PARD6G: variants seen among roughly 807,000 people sequenced by gnomAD.
The protein encoded by PARD6G is partitioning defective 6 homolog gamma.
In PARD6G, 7 loss-of-function variants were observed where a neutral mutation model predicts 10.7. That is an observed-to-expected ratio of 0.66 (90% confidence interval 0.37 to 1.23). The LOEUF is 1.23. Among genes scored for constraint, PARD6G ranks in the 50% most tolerant of loss-of-function variants. The pLI, the probability that PARD6G is intolerant of heterozygous loss-of-function variation, is 0.02. For missense variants in PARD6G, 548 were observed against 571.8 expected (o/e 0.96, Z 0.42); for synonymous variants, 287 against 269.4 (o/e 1.07, Z -0.64).
At chr18:80,199,468 A>G (rs1021790457) in intron 2 of PARD6G, among the ~76,000 whole-genome samples, 1 of 152,136 alleles carries the variant, frequency 6.6e-6, no homozygotes, top group Non-Finnish European at 1.5e-5. Context: ...CCTTATGGAT[A>G]TTGTGAATAA....
intron 2 of PARD6G, among the ~76,000 whole-genome samples, chr18:80,191,006 C>T (rs776773525): frequency 6.6e-5 from 10 of 152,232 alleles, no homozygotes; most frequent in Admixed American, 2.6e-4. Flanking sequence ...CTCCATTAGA[C>T]TCCTCTCATC....
chr18:80,229,415 T>C (rs1382336202), intron 1 of PARD6G, among the ~76,000 whole-genome samples: 1 of 152,248 alleles, frequency 6.6e-6, no homozygotes, highest in Admixed American at 6.5e-5. Context: ...GAATCCTGTC[T>C]GAGCCAGGAG....
chr18:80,185,518 G>C (rs992143857), intron 2 of PARD6G, among the ~76,000 whole-genome samples: 1 of 151,974 alleles, frequency 6.6e-6, no homozygotes, highest in African/African-American at 2.4e-5. Flanking sequence ...AGTTAAATTT[G>C]GAGCCAACAT....
intron 2 of PARD6G, among the ~76,000 whole-genome samples, chr18:80,178,870 G>A (rs2052831939): frequency 6.6e-6 from 1 of 152,094 alleles, no homozygotes. Context: ...CCAAAACAGT[G>A]TGAAGGTGTC....
chr18:80,193,073 G>C (rs1057157800), intron 2 of PARD6G, among the ~76,000 whole-genome samples: 1 of 152,126 alleles, frequency 6.6e-6, no homozygotes, highest in Non-Finnish European at 1.5e-5. Flanking sequence ...CTCTTTCTTA[G>C]GGTAATTTAA....
At chr18:80,170,154 C>G (rs1302136534) in intron 2 of PARD6G, 3 of 152,214 alleles carry the variant, frequency 2.0e-5, no homozygotes, top group Non-Finnish European at 2.9e-5. Flanking sequence ...AAACACATGC[C>G]AGAACAATAT....
At chr18:80,169,427 C>G (rs139676819) in intron 2 of PARD6G, 1 of 152,350 alleles carries the variant, frequency 6.6e-6, no homozygotes, top group Admixed American at 6.5e-5. Context: ...CTCAGAATTG[C>G]GGGGAACCCT....
In PARD6G at chr18:80,192,164, G is replaced by A. The variant is rs149027051; in HGVS notation, c.295+10546C>T. Among the ~76,000 whole-genome samples, 25 of 152,324 alleles carry A rather than the reference G, an allele frequency of 1.6e-4. No homozygotes were observed. The East Asian group carries it at 3.3e-3, about 20-fold the overall frequency. On this transcript the variant is annotated intron_variant, in intron 2 of 2. Transcript: ENST00000353265. This position sits in a 1 kb window ranked among gnomAD's most constrained non-coding sequence, Gnocchi z 4.9. ...TGTTGGGGTCACAAGACCAGACTGC[G>A]CATTCTCTACGAGACATGATATGAC...
At chr18:80,162,807 G>A (rs895257076) in intron 2 of PARD6G, among the ~76,000 whole-genome samples, 2 of 152,162 alleles carry the variant, frequency 1.3e-5, no homozygotes, top group Non-Finnish European at 1.5e-5. Context: ...AAGAGAAGAC[G>A]CCGGAGGGTG....
At chr18:80,241,612 A>G (rs897298289) in intron 1 of PARD6G, among the ~76,000 whole-genome samples, 3 of 152,190 alleles carry the variant, frequency 2.0e-5, no homozygotes, top group African/African-American at 7.2e-5. Flanking sequence ...TCCAGAACAC[A>G]ACCTCTCTGC....
Position 80,200,267 on chromosome 18 carries a change from A to C in PARD6G, c.295+2443T>G, listed in dbSNP as rs1263188183. ...GAAACATCAGCACAGATTACTATGC[A>C]GGGAGGGTGCCTGACTGTGCACCGG... On this transcript the variant is annotated intron_variant, in intron 2 of 2. Transcript: ENST00000353265. The surrounding 1 kb of genome is among the most constrained non-coding windows in gnomAD (Gnocchi z 4.4). Among the ~76,000 whole-genome samples the C allele has an allele frequency of 3.9e-5, 6 of 152,182 alleles. No homozygotes were observed. Among genetic ancestry groups the C allele is most frequent in the African/African-American group, 1.4e-4 (6 of 41,434 alleles).
Position 80,246,712 on chromosome 18 carries a change from T to C in PARD6G, c.72+565A>G, listed in dbSNP as rs1967554125. Among the ~76,000 whole-genome samples, 1 of 150,904 alleles carries C rather than the reference T, an allele frequency of 6.6e-6. No individual in the cohort carries two copies. The highest frequency in any genetic ancestry group is 6.6e-5 in the Admixed American group (1 of 15,212). ...CTGGGCCGGGGGAGAGCCGGGTGCG[T>C]GCTCTGGGTCTGCGCGGGGGAGCGC... On this transcript the variant is annotated intron_variant, in intron 1 of 2. Transcript: ENST00000353265. This position sits in a 1 kb window ranked among gnomAD's most constrained non-coding sequence, Gnocchi z 6.7.
In PARD6G at chr18:80,160,083, G is replaced by A. The variant is rs1568423914; in HGVS notation, c.819C>T (p.Thr273=). ...GGGCGGGGGGACCCACGAAGCCCGC[G>A]GTGCCGTCCGAGGGCGGTCCCGAGC... is the stretch of plus-strand genomic sequence containing the variant. ...LGSSGPPSDG[T]AGFVGPPAPR... is the part of the protein sequence containing the mutation. Residue 273 remains threonine, a synonymous_variant, in exon 3 of 3, where the codon ACC becomes ACT. Coordinates refer to ENST00000353265, the MANE Select transcript of PARD6G (RefSeq NM_032510.4). 1 of 1,589,572 alleles carries A rather than the reference G, an allele frequency of 6.3e-7. No homozygotes were observed. The highest frequency in any genetic ancestry group is 1.7e-5 in the Admixed American group (1 of 58,094).
At chr18:80,230,681 G>A (rs1164941050) in intron 1 of PARD6G, among the ~76,000 whole-genome samples, 1 of 152,200 alleles carries the variant, frequency 6.6e-6, no homozygotes, top group Non-Finnish European at 1.5e-5. Flanking sequence ...GTTCATGCAT[G>A]TGTTCTGGAC....
chr18:80,234,808 C>A (rs537316662), intron 1 of PARD6G, among the ~76,000 whole-genome samples: 26 of 152,282 alleles, frequency 1.7e-4, no homozygotes, highest in African/African-American at 5.1e-4. Context: ...GAAGAGCTAA[C>A]TATCCTAAAT....
chr18:80,206,639 G>A (rs1023487801), intron 1 of PARD6G, among the ~76,000 whole-genome samples: 1 of 152,212 alleles, frequency 6.6e-6, no homozygotes, highest in African/African-American at 2.4e-5. Flanking sequence ...TCAAAGAACT[G>A]AGCTGTGCTT....
At chr18:80,210,262 A>G (rs1255174338) in intron 1 of PARD6G, among the ~76,000 whole-genome samples, 1 of 152,256 alleles carries the variant, frequency 6.6e-6, no homozygotes, top group African/African-American at 2.4e-5. Flanking sequence ...CTTATCCATT[A>G]AAGACAGAAT....
At chr18:80,173,493 C>T (rs557235135) in intron 2 of PARD6G, among the ~76,000 whole-genome samples, 2 of 152,126 alleles carry the variant, frequency 1.3e-5, no homozygotes, top group African/African-American at 4.8e-5. Context: ...GGCATGGTGG[C>T]GAGCGCCTGT....
chr18:80,205,548 G>T (rs989789490), intron 1 of PARD6G, among the ~76,000 whole-genome samples: 3 of 152,178 alleles, frequency 2.0e-5, no homozygotes, highest in African/African-American at 7.2e-5. Context: ...CTGTTCTTGT[G>T]ATGGTGAGTG....
Sources: allele counts gnomAD v4.1 joint callset (sites outside exome capture counted in the v4.1 genomes callset), GRCh38; gene constraint gnomAD v4.1.1; non-coding constraint Gnocchi (gnomAD v3.1); transcripts MANE v1.5; gene names NCBI Gene and HGNC (gene_info 2026-07-23, HGNC 2026-07-21).